SLC38A6: variants seen among roughly 807,000 people sequenced by gnomAD.
SLC38A6 encodes N system amino acid transporter NAT-1.
SLC38A6 carries 73 observed loss-of-function variants against 65.0 expected under a neutral mutation model. The ratio of observed to expected loss-of-function variants is 1.12; its 90% CI spans 0.93 to 1.37. The LOEUF is 1.37. Ranked by LOEUF, SLC38A6 falls within the 40% of genes most tolerant of loss-of-function variation. The probability of loss-of-function intolerance (pLI) is 0.00; values close to 1 mark genes in which losing one functional copy is unlikely to be tolerated. For missense variants in SLC38A6, 561 were observed against 531.1 expected (o/e 1.06, Z -0.55); for synonymous variants, 183 against 178.8 (o/e 1.02, Z -0.19).
chr14:61,009,594 A>G (rs1359305896), intron 3 of SLC38A6, among the ~76,000 whole-genome samples: 1 of 143,920 alleles, frequency 6.9e-6, no homozygotes, highest in Non-Finnish European at 1.5e-5. Flanking sequence ...ATGTGTTCTC[A>G]TTGTTCAACT....
intron 3 of SLC38A6, among the ~76,000 whole-genome samples, chr14:60,993,360 A>G (rs1194933276): frequency 6.6e-6 from 1 of 152,180 alleles, no homozygotes; most frequent in Admixed American, 6.5e-5. Context: ...TCCAGAGTCC[A>G]CTTTCATAAC....
intron 3 of SLC38A6, among the ~76,000 whole-genome samples, chr14:61,009,238 A>G (rs2039370556): frequency 6.6e-6 from 1 of 152,216 alleles, no homozygotes; most frequent in African/African-American, 2.4e-5. Context: ...ACCCCTGATC[A>G]GCCTACACAG....
chr14:60,997,218 C>G (rs2038360044), intron 3 of SLC38A6, among the ~76,000 whole-genome samples: 1 of 152,122 alleles, frequency 6.6e-6, no homozygotes, highest in African/African-American at 2.4e-5. Flanking sequence ...CCTCCACCTC[C>G]CAGGCTCAAG....
intron 3 of SLC38A6, among the ~76,000 whole-genome samples, chr14:61,007,635 C>T (rs942792062): frequency 2.0e-5 from 3 of 151,806 alleles, no homozygotes; most frequent in Non-Finnish European, 2.9e-5. Flanking sequence ...GAGTAAGACC[C>T]TGTCTCAAAA....
In SLC38A6 at chr14:60,982,510, A is replaced by G; in HGVS notation, c.108A>G (p.Glu36=). 6.2e-7 allele frequency: 1 copy of G among 1,607,444 alleles called. No homozygotes were observed. Among genetic ancestry groups the G allele is most frequent in the East Asian group, 2.2e-5 (1 of 44,854 alleles). ...CTACTAAATTTGTGTGCTTACAGGA[A>G]CTTCACAGACAGCGATCCCCAGGTG... The part of the protein sequence containing the change: ...AEELSPLLSN[E]LHRQRSPGVS... The change falls in exon 2 of 16, where the codon GAA becomes GAG. Residue 36 remains glutamate (E), a splice_region_variant and synonymous_variant. Coordinates refer to ENST00000267488, the MANE Select transcript of SLC38A6 (RefSeq NM_153811.3).
chr14:61,040,172 CT>C (rs912034648), intron 8 of SLC38A6, among the ~76,000 whole-genome samples: 21 of 147,942 alleles, frequency 1.4e-4, no homozygotes, highest in Admixed American at 3.4e-4. Context: ...AGTTAGACAA[CT>C]TTTTTTTTTA....
chr14:61,008,506 A>G (rs1406062067), intron 3 of SLC38A6, among the ~76,000 whole-genome samples: 2 of 152,194 alleles, frequency 1.3e-5, no homozygotes, highest in Non-Finnish European at 2.9e-5. Context: ...CTTTAACTCA[A>G]TAAAAGATAT....
chr14:61,069,524 G>A (rs2043152469), intron 15 of SLC38A6, among the ~76,000 whole-genome samples: 1 of 151,670 alleles, frequency 6.6e-6, no homozygotes, highest in Non-Finnish European at 1.5e-5. Flanking sequence ...CTTCTATATT[G>A]TTACTCCTCT....
In SLC38A6 at chr14:61,024,749, C is replaced by T. The variant is rs77835428; in HGVS notation, c.403+5169C>T. Among the ~76,000 whole-genome samples, 112 of 152,290 alleles carry T rather than the reference C, an allele frequency of 7.4e-4. No individual in the cohort carries two copies. The East Asian group carries it at 0.019, about 25-fold the overall frequency. On this transcript the variant is annotated intron_variant, in intron 5 of 15. Transcript: ENST00000267488. ...TCACTAGAAATCAAACACTACATCC[C>T]AATCATCTTCTTAGTCAAGCCAGAA...
chr14:61,037,206 A>G (rs1262958181), intron 7 of SLC38A6, 65 bp downstream of exon 7: 6 of 1,225,352 alleles, frequency 4.9e-6, no homozygotes, highest in African/African-American at 4.7e-5. Context: ...GGAAAGAGAG[A>G]CAAATATTAA....
intron 3 of SLC38A6, among the ~76,000 whole-genome samples, chr14:60,992,111 C>T (rs936490318): frequency 1.3e-5 from 2 of 152,140 alleles, no homozygotes; most frequent in Admixed American, 1.3e-4. Flanking sequence ...CATCTTTATC[C>T]GTACTTGTAC....
intron 3 of SLC38A6, among the ~76,000 whole-genome samples, chr14:61,010,977 A>G (rs2139475119): frequency 6.6e-6 from 1 of 152,234 alleles, no homozygotes; most frequent in South Asian, 2.1e-4. Flanking sequence ...CTTGGGCAGT[A>G]TGGCCATTTT....
At chr14:61,054,695 G>A (rs577132776), downstream of SLC38A6, among the ~76,000 whole-genome samples, 3 of 152,292 alleles carry the variant, frequency 2.0e-5, no homozygotes, top group East Asian at 5.8e-4. Context: ...GTATAGGAAT[G>A]CTAGTAATTT....
intron 4 of SLC38A6, 100 bp from the exon 5 acceptor site, chr14:61,019,441 G>A (rs914996086): frequency 4.4e-6 from 5 of 1,132,900 alleles, no homozygotes; most frequent in Non-Finnish European, 6.4e-6. Flanking sequence ...CACAACTTCT[G>A]CATCTGCTTT....
intron 16 of SLC38A6, chr14:61,083,543 T>C (rs2043739388): frequency 2.6e-6 from 4 of 1,548,374 alleles, no homozygotes; most frequent in South Asian, 1.2e-5. Context: ...ACTGGTGTTC[T>C]TGTAAGAAAA....
At chr14:61,038,572 G>A (rs1312964860) in intron 8 of SLC38A6, among the ~76,000 whole-genome samples, 1 of 152,116 alleles carries the variant, frequency 6.6e-6, no homozygotes, top group Non-Finnish European at 1.5e-5. Flanking sequence ...TGTAAGAGCA[G>A]AACAGCACAT....
intron 5 of SLC38A6, among the ~76,000 whole-genome samples, chr14:61,021,753 T>C (rs1222622015): frequency 6.6e-6 from 1 of 152,214 alleles, no homozygotes; most frequent in Non-Finnish European, 1.5e-5. Flanking sequence ...ATCCTCATGA[T>C]TTTCTTCACA....
intron 6 of SLC38A6, among the ~76,000 whole-genome samples, chr14:61,032,513 A>G (rs575682721): frequency 4.7e-4 from 72 of 152,010 alleles, no homozygotes; most frequent in Non-Finnish European, 9.1e-4. Flanking sequence ...AATTGATTAA[A>G]ATGTTATTTT....
In SLC38A6 at chr14:61,080,437, T is replaced by G. The variant is rs567864374; in HGVS notation, c.1408+1510T>G. On this transcript the variant is annotated intron_variant, in intron 16 of 16. Transcript: ENST00000354886. ...TGAGAATTTGGAGCTGACTCTCTCC[T>G]TTGGAAATTGTGCCTTCCAAAAATA... Among the ~76,000 whole-genome samples, 3 of 152,306 alleles carry G rather than the reference T, an allele frequency of 2.0e-5. No individual in the cohort carries two copies. In the South Asian group the frequency reaches 6.2e-4, roughly 32 times the overall value.
Sources: gnomAD v4.1 joint callset for allele counts (sites outside exome capture counted in the v4.1 genomes callset) on GRCh38, gnomAD v4.1.1 for gene constraint, MANE v1.5 for transcripts, NCBI Gene and HGNC (gene_info 2026-07-23, HGNC 2026-07-21) for gene names.